Variants in NIBAN2 observed in about 807,000 individuals in gnomAD.
The protein encoded by NIBAN2 is protein Niban 2.
A neutral mutation model predicts 81.8 loss-of-function variants in NIBAN2; 36 were observed. The ratio of observed to expected loss-of-function variants is 0.44; its 90% CI spans 0.34 to 0.58. The LOEUF is 0.58. Among genes scored for constraint, NIBAN2 ranks in the 20% least tolerant of loss-of-function variants. NIBAN2 has a pLI of 0.02. For missense variants in NIBAN2, 897 were observed against 1,014.1 expected (o/e 0.88, Z 1.57); for synonymous variants, 445 against 441.6 (o/e 1.01, Z -0.10).
intron 3 of NIBAN2, 113 bp from the exon 4 acceptor site, chr9:127,525,276 G>GAAA (rs1554766425): frequency 1.4e-5 from 9 of 651,116 alleles, no homozygotes; most frequent in African/African-American, 1.2e-4. Flanking sequence ...AGAAGGGAAA[G>GAAA]GAAGAAGAGG....
intron 2 of NIBAN2, among the ~76,000 whole-genome samples, chr9:127,530,395 C>T (rs563499850): frequency 6.6e-6 from 1 of 152,346 alleles, no homozygotes; most frequent in East Asian, 1.9e-4. Flanking sequence ...CTTAAAGGCT[C>T]AGCCTTGGCC....
At chr9:127,571,498 CCAG>C (rs1837945587), upstream of NIBAN2, among the ~76,000 whole-genome samples, 1 of 152,088 alleles carries the variant, frequency 6.6e-6, no homozygotes, top group Admixed American at 6.5e-5. Flanking sequence ...GAGTCTGAGA[CCAG>C]TCTGGCCAAC....
chr9:127,510,073 G>C, intron 9 of NIBAN2, 73 bp downstream of exon 9: 5 of 1,413,650 alleles, frequency 3.5e-6, no homozygotes, highest in South Asian at 1.4e-5. Flanking sequence ...CCGGAGTCAC[G>C]CAGCCGGGGC....
At chr9:127,569,377 G>A (rs989512400), upstream of NIBAN2, among the ~76,000 whole-genome samples, 43 of 151,910 alleles carry the variant, frequency 2.8e-4, no homozygotes, top group Admixed American at 5.9e-4. Context: ...AGACCGCGGA[G>A]AGACTGCGAA....
rs899453193 is a variant in NIBAN2 at position 127,508,252 on chromosome 9, C to T, written c.1435-52G>A. 8 of 1,502,050 alleles carry T rather than the reference C, an allele frequency of 5.3e-6. No individual in the cohort carries two copies. Among genetic ancestry groups the T allele is most frequent in the African/African-American group, 1.4e-5 (1 of 72,670 alleles). 93.0% of individuals were successfully genotyped at this position (1,502,050 alleles called of 1,614,324 possible). A position where few individuals can be genotyped will look rare whatever the true frequency, so the allele number is the denominator to read the frequency against. The stretch of plus-strand genomic sequence containing the variant: ...CTGCAGGTCAGTGGGCTCCATTGGC[C>T]CTGAGGGTAGGACGAGGCCAGTGGT... On this transcript the variant is annotated intron_variant, in intron 11 of 13. Transcript: ENST00000373312. The surrounding 1 kb of genome is among the most constrained non-coding windows in gnomAD (Gnocchi z 6.4).
upstream of NIBAN2, chr9:127,569,225 A>ACC (rs1202292589): frequency 2.8e-6 from 1 of 363,076 alleles, no homozygotes; most frequent in African/African-American, 3.1e-5. Context: ...TCGGTCCTGC[A>ACC]CCCCCCTGCG....
chr9:127,513,971 G>A lies in NIBAN2; in HGVS notation c.973+2886C>T, dbSNP rs573964512. ...TAATAATTTAATTGTACACTTAAAA[G>A]TAACTAAAAGAGGCTGCACAGGTGC... is the stretch of plus-strand genomic sequence containing the variant. On this transcript the variant is annotated intron_variant, in intron 8 of 13. Coordinates refer to ENST00000373312, the MANE Select transcript of NIBAN2 (RefSeq NM_022833.4). 9.2e-5 allele frequency among the ~76,000 whole-genome samples: 14 copies of A among 152,208 alleles called. 1 individual carries two copies. In the East Asian group the frequency reaches 9.7e-4, roughly 11 times the overall value.
rs11341312 is a variant in NIBAN2 at position 127,538,630 on chromosome 9, GAAAAAAA to G, written c.56-6859_56-6853del. Among the ~76,000 whole-genome samples the G allele has an allele frequency of 8.6e-5, 11 of 127,396 alleles. 1 individual carries two copies. The East Asian group carries it at 1.0e-3, about 12-fold the overall frequency. The allele number at this position is 127,396 out of a possible 152,430, so 83.6% of individuals were successfully genotyped here. On this transcript the variant is annotated intron_variant, in intron 1 of 13. Coordinates refer to ENST00000373312, the MANE Select transcript of NIBAN2 (RefSeq NM_022833.4). ...AGACACAGTGAGACTCCATCTCAAA[GAAAAAAA>G]AAAAAAAAAAGAAATGCAGTTGTGC...
chr9:127,557,489 G>A (rs1166189553), intron 1 of NIBAN2, among the ~76,000 whole-genome samples: 2 of 152,088 alleles, frequency 1.3e-5, no homozygotes, highest in Admixed American at 6.5e-5. Flanking sequence ...AGGGAGGGCG[G>A]GGGCTCAGCC....
chr9:127,558,448 T>TGGGC (rs1837714513), intron 1 of NIBAN2, among the ~76,000 whole-genome samples: 1 of 152,262 alleles, frequency 6.6e-6, no homozygotes, highest in Admixed American at 6.5e-5. Flanking sequence ...ATCATCTTCC[T>TGGGC]GGGCCTCAGT....
At position 127,508,431 on chromosome 9, in the gene NIBAN2, C is replaced by G. The variant is rs201981458; in HGVS notation, c.1425G>C (p.Arg475=). 3.7e-5 allele frequency: 59 copies of G among 1,611,224 alleles called. No homozygotes were observed. In the Admixed American group the frequency reaches 7.7e-4, roughly 21 times the overall value. ...LCKSIQRVLE[R]VLKKYDYDSS... is the part of the protein sequence containing the mutation. The stretch of plus-strand genomic sequence containing the variant: ...GCGTGGGGCCGCTCACCTTCAGCAC[C>G]CGCTCCAGGACCCGCTGGATGGACT... Residue 475 remains arginine (R), a synonymous_variant, in exon 11 of 14, where the codon CGG becomes CGC. Coordinates refer to ENST00000373312, the MANE Select transcript of NIBAN2 (RefSeq NM_022833.4). The surrounding 1 kb of genome is among the most constrained non-coding windows in gnomAD (Gnocchi z 6.4).
At chr9:127,576,973 A>G (rs566740509) in intron 1 of NIBAN2, among the ~76,000 whole-genome samples, 2 of 151,604 alleles carry the variant, frequency 1.3e-5, no homozygotes, top group East Asian at 4.0e-4. Flanking sequence ...TTACAGGTGT[A>G]AGGCACCATG....
At chr9:127,511,672 C>T (rs1836738575) in intron 8 of NIBAN2, among the ~76,000 whole-genome samples, 1 of 151,972 alleles carries the variant, frequency 6.6e-6, no homozygotes, top group African/African-American at 2.4e-5. Flanking sequence ...TGCCATCTGA[C>T]AAGAGATTAA....
At chr9:127,551,536 T>A (rs562547319) in intron 1 of NIBAN2, among the ~76,000 whole-genome samples, 26 of 143,264 alleles carry the variant, frequency 1.8e-4, no homozygotes, top group Admixed American at 6.9e-4. Flanking sequence ...AATAAATAAA[T>A]AAAAATATAA....
chr9:127,578,052 G>A (rs1219967992), intron 1 of NIBAN2, among the ~76,000 whole-genome samples: 1 of 151,800 alleles, frequency 6.6e-6, no homozygotes, highest in African/African-American at 2.4e-5. Context: ...TTAGCTGGGT[G>A]TGGTGGTGGG....
upstream of NIBAN2, chr9:127,578,998 C>T: frequency 6.7e-7 from 1 of 1,488,172 alleles, no homozygotes; most frequent in Non-Finnish European, 9.3e-7. Context: ...TGACTCCTAG[C>T]ACGTCCTTGA....
rs1217430275 is a variant in NIBAN2 at position 127,545,365 on chromosome 9, G to C, written c.56-13587C>G. Reference sequence around the variant, plus strand: ...AATGCCTCATCTGAGACGCTCCCCGGACTGAGACTGCTCTCCGCTGTCTCC... The same window carrying C: ...AATGCCTCATCTGAGACGCTCCCCGCACTGAGACTGCTCTCCGCTGTCTCC... On this transcript the variant is annotated intron_variant, in intron 1 of 13. Transcript: ENST00000373312. The surrounding 1 kb of genome is among the most constrained non-coding windows in gnomAD (Gnocchi z 4.7). Among the ~76,000 whole-genome samples, 1 of 152,146 alleles carries C rather than the reference G, an allele frequency of 6.6e-6. No individual in the cohort carries two copies. The highest frequency in any genetic ancestry group is 1.5e-5 in the Non-Finnish European group (1 of 68,036).
chr9:127,568,983 TCCCG>T lies in NIBAN2; in HGVS notation c.-113_-110del. 1.1e-5 allele frequency: 1 copy of T among 93,310 alleles called. No homozygotes were observed. The highest frequency in any genetic ancestry group is 1.3e-5 in the Non-Finnish European group (1 of 78,028). 5.8% of individuals were successfully genotyped at this position (93,310 alleles called of 1,614,324 possible). ...GCCCGGCCCGCCCTGCTTCCCCCGC[TCCCG>T]CCGCTCCCGCCGCTCCCGCCGCCCG... On this transcript the variant is annotated 5_prime_UTR_variant, in exon 1 of 14. Transcript: ENST00000373312.
intron 5 of NIBAN2, among the ~76,000 whole-genome samples, chr9:127,520,021 G>A (rs1467557372): frequency 6.6e-6 from 1 of 152,180 alleles, no homozygotes; most frequent in Non-Finnish European, 1.5e-5. Flanking sequence ...GGGACAGCGG[G>A]AGGGAGGCCA....
Sources: gnomAD v4.1 joint callset for allele counts (sites outside exome capture counted in the v4.1 genomes callset) on GRCh38, gnomAD v4.1.1 for gene constraint, Gnocchi (gnomAD v3.1) non-coding constraint, MANE v1.5 for transcripts, NCBI Gene and HGNC (gene_info 2026-07-23, HGNC 2026-07-21) for gene names.